TAFA1: variants seen among roughly 807,000 people sequenced by gnomAD.
TAFA1 encodes TAFA chemokine like family member 1.
In TAFA1, 4 loss-of-function variants were observed where a neutral mutation model predicts 18.5. That is an observed-to-expected ratio of 0.22 (90% confidence interval 0.11 to 0.49). The LOEUF is 0.49. TAFA1 is among the 20% of genes least tolerant of loss of function. The probability of loss-of-function intolerance (pLI) is 0.98; values close to 1 mark genes in which losing one functional copy is unlikely to be tolerated. For missense variants in TAFA1, 147 were observed against 169.0 expected, an observed-to-expected ratio of 0.87 and a Z score of 0.72; for synonymous variants, 56 against 55.2, an observed-to-expected ratio of 1.01 and a Z score of -0.06.
chr3:68,457,298 T>G (rs1011502484), intron 3 of TAFA1, among the ~76,000 whole-genome samples: 9 of 152,194 alleles, frequency 5.9e-5, no homozygotes, highest in Admixed American at 5.9e-4. Context: ...TTTTAACAAA[T>G]TTTAACTTTT....
At chr3:68,296,883 A>T (rs975228997) in intron 2 of TAFA1, among the ~76,000 whole-genome samples, 1 of 152,206 alleles carries the variant, frequency 6.6e-6, no homozygotes, top group Admixed American at 6.5e-5. Flanking sequence ...AATAGCACAT[A>T]AAGGTGGGAA....
intron 2 of TAFA1, among the ~76,000 whole-genome samples, chr3:68,312,374 C>A (rs2068535344): frequency 6.6e-6 from 1 of 152,132 alleles, no homozygotes; most frequent in South Asian, 2.1e-4. Context: ...ATTTTCTGAA[C>A]TTTTATGCTT....
At chr3:68,120,230 T>C (rs559381375) in intron 2 of TAFA1, among the ~76,000 whole-genome samples, 2 of 139,004 alleles carry the variant, frequency 1.4e-5, no homozygotes, top group African/African-American at 5.7e-5. Flanking sequence ...TCTTTCTTTC[T>C]TTCTTTCTTT....
chr3:68,239,688 A>G (rs532631210), intron 2 of TAFA1, among the ~76,000 whole-genome samples: 2 of 152,318 alleles, frequency 1.3e-5, no homozygotes, highest in Admixed American at 1.3e-4. Context: ...CTTAGTTGCC[A>G]AAACAATTAG....
At chr3:68,469,956 A>T (rs562050881) in intron 3 of TAFA1, among the ~76,000 whole-genome samples, 1 of 152,330 alleles carries the variant, frequency 6.6e-6, no homozygotes, top group African/African-American at 2.4e-5. Flanking sequence ...GTAATTGCTT[A>T]GTATCTTGAC....
intron 2 of TAFA1, among the ~76,000 whole-genome samples, chr3:68,154,082 C>T (rs1468977153): frequency 1.3e-5 from 2 of 152,086 alleles, no homozygotes; most frequent in African/African-American, 4.8e-5. Context: ...CTTAGTGTTG[C>T]CATTGTCTGA....
At chr3:68,051,312 C>T (rs1190640460) in intron 2 of TAFA1, among the ~76,000 whole-genome samples, 2 of 152,094 alleles carry the variant, frequency 1.3e-5, no homozygotes, top group Admixed American at 6.6e-5. Flanking sequence ...GAAAAGACAA[C>T]AGAATAGTTC....
At chr3:68,081,603 G>T (rs926170091) in intron 2 of TAFA1, among the ~76,000 whole-genome samples, 1 of 152,210 alleles carries the variant, frequency 6.6e-6, no homozygotes, top group Non-Finnish European at 1.5e-5. Context: ...CTGCTGAGGG[G>T]TGCCTCCCAG....
the TAFA1 span, among the ~76,000 whole-genome samples, chr3:67,996,937 A>T: frequency 6.6e-6 from 1 of 152,196 alleles, no homozygotes; most frequent in Non-Finnish European, 1.5e-5. Flanking sequence ...AGAACAATAG[A>T]TGCTACAGCA....
At chr3:68,121,585 T>A (rs955575630) in intron 2 of TAFA1, among the ~76,000 whole-genome samples, 1 of 152,226 alleles carries the variant, frequency 6.6e-6, no homozygotes, top group African/African-American at 2.4e-5. Context: ...CCAGCTGGGA[T>A]ACTAAATTCT....
chr3:68,260,408 TTG>T (rs2067391346), intron 2 of TAFA1, among the ~76,000 whole-genome samples: 1 of 152,108 alleles, frequency 6.6e-6, no homozygotes, highest in South Asian at 2.1e-4. Context: ...TCTTTTTTGG[TTG>T]TGTCTCTGCC....
At chr3:68,256,817 C>G (rs1348998995) in intron 2 of TAFA1, among the ~76,000 whole-genome samples, 1 of 152,066 alleles carries the variant, frequency 6.6e-6, no homozygotes, top group Non-Finnish European at 1.5e-5. Flanking sequence ...ATCTGCTTTT[C>G]ACTCTCTGCT....
intron 3 of TAFA1, among the ~76,000 whole-genome samples, chr3:68,523,413 G>A (rs1375498052): frequency 6.6e-6 from 1 of 152,166 alleles, no homozygotes; most frequent in South Asian, 2.1e-4. Context: ...GCCAACTTTT[G>A]ACCTTTGTGT....
chr3:68,507,483 C>T (rs1169552230), intron 3 of TAFA1, among the ~76,000 whole-genome samples: 2 of 152,000 alleles, frequency 1.3e-5, no homozygotes, highest in African/African-American at 4.8e-5. Context: ...TTAAAACTAG[C>T]GTCTAGAATT....
intron 2 of TAFA1, among the ~76,000 whole-genome samples, chr3:68,280,488 A>C (rs1227575231): frequency 6.6e-6 from 1 of 152,170 alleles, no homozygotes; most frequent in Non-Finnish European, 1.5e-5. Context: ...CAGATGGTAA[A>C]GACCGCTTTT....
intron 3 of TAFA1, among the ~76,000 whole-genome samples, chr3:68,469,463 A>G (rs2071954282): frequency 6.6e-6 from 1 of 152,154 alleles, no homozygotes; most frequent in Non-Finnish European, 1.5e-5. Context: ...TCACGAAGTC[A>G]GGAGATCGAG....
At chr3:68,318,403 T>C (rs1039189354) in intron 2 of TAFA1, among the ~76,000 whole-genome samples, 8 of 152,188 alleles carry the variant, frequency 5.3e-5, no homozygotes, top group East Asian at 3.9e-4. Flanking sequence ...GAGGGTAATA[T>C]GTTAGACAGA....
At chr3:68,215,412 G>A (rs2066645373) in intron 2 of TAFA1, among the ~76,000 whole-genome samples, 1 of 152,028 alleles carries the variant, frequency 6.6e-6, no homozygotes, top group Non-Finnish European at 1.5e-5. Context: ...AAAATGGAAG[G>A]TTAGAGAAAA....
At chr3:68,147,548 G>T (rs2065756797) in intron 2 of TAFA1, among the ~76,000 whole-genome samples, 1 of 151,830 alleles carries the variant, frequency 6.6e-6, no homozygotes, top group Admixed American at 6.6e-5. Flanking sequence ...TCCTCTAGTG[G>T]CCCCACCTGA....
Sources: allele counts gnomAD v4.1 joint callset (sites outside exome capture counted in the v4.1 genomes callset), GRCh38; gene constraint gnomAD v4.1.1; transcripts MANE v1.5; gene names NCBI Gene and HGNC (gene_info 2026-07-23, HGNC 2026-07-21).